TRIQK: variants seen among roughly 807,000 people sequenced by gnomAD.
TRIQK encodes triple QxxK/R motif-containing protein.
Under a neutral mutation model 10.8 loss-of-function variants are expected in TRIQK, and 10 were observed. The observed-to-expected ratio is 0.92, with a 90% CI of 0.57 to 1.57. The LOEUF is 1.57. Among genes scored for constraint, TRIQK ranks in the 40% most tolerant of loss-of-function variants. TRIQK has a pLI of 0.00. For synonymous variants in TRIQK, 33 were observed against 33.7 expected (o/e 0.98, Z 0.07); for missense variants, 107 against 97.7 (o/e 1.09, Z -0.40).
intron 1 of TRIQK, among the ~76,000 whole-genome samples, chr8:92,991,541 C>T (rs1813096577): frequency 6.6e-6 from 1 of 152,112 alleles, no homozygotes; most frequent in South Asian, 2.1e-4. Flanking sequence ...AAACCCACAG[C>T]CAATATCATA....
intron 2 of TRIQK, among the ~76,000 whole-genome samples, chr8:92,940,334 T>TAAAA (rs56063230): frequency 1.5e-5 from 2 of 130,370 alleles, no homozygotes; most frequent in African/African-American, 2.9e-5. Flanking sequence ...ATAGATTTAA[T>TAAAA]AAAAAAAAAA....
intron 2 of TRIQK, among the ~76,000 whole-genome samples, chr8:92,951,642 T>C (rs567232749): frequency 1.3e-5 from 2 of 152,236 alleles, no homozygotes; most frequent in African/African-American, 2.4e-5. Context: ...TCACAGTAAA[T>C]ACTTGAGAAA....
chr8:93,001,176 G>A (rs527410629), intron 1 of TRIQK, among the ~76,000 whole-genome samples: 61 of 151,784 alleles, frequency 4.0e-4, no homozygotes, highest in African/African-American at 1.1e-3. Context: ...GCATGGTGGC[G>A]GGTAGCTGTA....
At chr8:92,926,758 A>T (rs1810468842) in intron 2 of TRIQK, among the ~76,000 whole-genome samples, 1 of 152,242 alleles carries the variant, frequency 6.6e-6, no homozygotes. Context: ...ATATCTATGC[A>T]GTAGCTCTGT....
chr8:92,973,889 T>G (rs900867535), intron 1 of TRIQK: 1 of 152,522 alleles, frequency 6.6e-6, no homozygotes, highest in Non-Finnish European at 1.5e-5. Flanking sequence ...CTGCACCACT[T>G]TGGTATATTT....
At chr8:93,012,342 G>T (rs189385500) in intron 1 of TRIQK, among the ~76,000 whole-genome samples, 1,881 of 152,212 alleles carry the variant, frequency 0.012, 19 homozygotes, top group Non-Finnish European at 0.021. Context: ...TTGATGATCA[G>T]GTAAAACAGA....
chr8:92,899,020 T>C (rs1586381549), intron 3 of TRIQK, among the ~76,000 whole-genome samples: 1 of 146,688 alleles, frequency 6.8e-6, no homozygotes, highest in Non-Finnish European at 1.5e-5. Context: ...TTTTCTGGAG[T>C]CTCACTCTGT....
At chr8:93,014,138 T>C (rs188094865) in intron 1 of TRIQK, among the ~76,000 whole-genome samples, 1 of 152,250 alleles carries the variant, frequency 6.6e-6, no homozygotes, top group Admixed American at 6.5e-5. Flanking sequence ...TTCAGTATAA[T>C]TGCATTCTGT....
intron 1 of TRIQK, among the ~76,000 whole-genome samples, chr8:93,008,714 G>A (rs1278600337): frequency 6.6e-6 from 1 of 152,188 alleles, no homozygotes; most frequent in Admixed American, 6.5e-5. Context: ...CCATAGAGAT[G>A]TCAAGAGCAC....
rs538884429 is a variant in TRIQK, at chr8:92,931,729, T to G, written c.-21-14719A>C. On this transcript the variant is annotated intron_variant, in intron 2 of 4. Coordinates refer to ENST00000521988, the MANE Select transcript of TRIQK (RefSeq NM_001171797.2). ...TAACTTACCATCCAAGCCAGAACAC[T>G]TTTGAGAGTCAAAGAGGGCCCCATT... is the stretch of plus-strand genomic sequence containing the variant. 2.1e-3 allele frequency among the ~76,000 whole-genome samples: 326 copies of G among 152,178 alleles called. 4 individuals are homozygous for G. The highest frequency in any genetic ancestry group is 7.6e-3 in the African/African-American group (317 of 41,542).
intron 1 of TRIQK, among the ~76,000 whole-genome samples, chr8:92,975,281 T>C (rs141942103): frequency 3.2e-4 from 48 of 152,356 alleles, no homozygotes; most frequent in African/African-American, 1.1e-3. Context: ...AGTGTTACTT[T>C]CTTAATTTTT....
intron 1 of TRIQK, among the ~76,000 whole-genome samples, chr8:92,999,127 C>A (rs998150435): frequency 1.3e-5 from 2 of 152,134 alleles, no homozygotes; most frequent in African/African-American, 4.8e-5. Flanking sequence ...TTATCTCCAA[C>A]TTCAGGTTGT....
chr8:92,910,120 C>A (rs1586403578), intron 3 of TRIQK, among the ~76,000 whole-genome samples: 1 of 151,368 alleles, frequency 6.6e-6, no homozygotes, highest in African/African-American at 2.4e-5. Context: ...TTATTAAGTA[C>A]CTTCTGTGAA....
At chr8:92,983,818 G>GT (rs568846814) in intron 1 of TRIQK, among the ~76,000 whole-genome samples, 1 of 151,930 alleles carries the variant, frequency 6.6e-6, no homozygotes, top group Non-Finnish European at 1.5e-5. Context: ...CCTCACTTAA[G>GT]TTTTTTCACA....
At chr8:92,919,578 C>T (rs753640538) in intron 2 of TRIQK, among the ~76,000 whole-genome samples, 2 of 151,580 alleles carry the variant, frequency 1.3e-5, no homozygotes, top group Admixed American at 6.6e-5. Flanking sequence ...TGTTCATCAG[C>T]GATATTACCT....
At chr8:92,990,367 T>C (rs570001684) in intron 1 of TRIQK, among the ~76,000 whole-genome samples, 1 of 152,316 alleles carries the variant, frequency 6.6e-6, no homozygotes, top group Non-Finnish European at 1.5e-5. Flanking sequence ...TGTGTTTTAT[T>C]TTTGTGCTTT....
At chr8:92,912,101 C>G (rs551399006) in intron 3 of TRIQK, among the ~76,000 whole-genome samples, 5 of 151,328 alleles carry the variant, frequency 3.3e-5, no homozygotes, top group Admixed American at 2.6e-4. Flanking sequence ...ACAGAACATT[C>G]CAAGCAAAAG....
intron 3 of TRIQK, among the ~76,000 whole-genome samples, chr8:92,897,187 C>T (rs1485568601): frequency 2.6e-5 from 4 of 151,922 alleles, no homozygotes; most frequent in East Asian, 1.9e-4. Flanking sequence ...GAATTTGCCT[C>T]GAGACGAATG....
chr8:92,968,103 A>G (rs1005262841), upstream of TRIQK, among the ~76,000 whole-genome samples: 28 of 152,166 alleles, frequency 1.8e-4, no homozygotes, highest in Non-Finnish European at 5.9e-5. Context: ...ATATAAAGAC[A>G]TATATTATTG....
Sources: gnomAD v4.1 joint callset for allele counts (sites outside exome capture counted in the v4.1 genomes callset) on GRCh38, gnomAD v4.1.1 for gene constraint, MANE v1.5 for transcripts, NCBI Gene and HGNC (gene_info 2026-07-23, HGNC 2026-07-21) for gene names.